The following CEACAM16 variants were observed in gnomAD, a reference collection of about 807,000 sequenced individuals.
CEACAM16 encodes CEA cell adhesion molecule 16, tectorial membrane component.
A neutral mutation model predicts 39.4 loss-of-function variants in CEACAM16; 30 were observed. That is an observed-to-expected ratio of 0.76 (90% CI 0.57 to 1.03). The LOEUF (loss-of-function observed/expected upper bound fraction) is 1.03. Ranked by LOEUF, CEACAM16 falls within the 50% of genes least tolerant of loss-of-function variation. CEACAM16 has a pLI of 0.00. For synonymous variants in CEACAM16, 262 were observed against 264.9 expected, an observed-to-expected ratio of 0.99 and a Z score of 0.11; for missense variants, 521 against 585.3, an observed-to-expected ratio of 0.89 and a Z score of 1.13.
At position 44,705,683 on chromosome 19, in the gene CEACAM16, G is replaced by A. The variant is rs1318382133; in HGVS notation, c.755G>A (p.Cys252Tyr). 1 of 1,613,964 alleles carries A rather than the reference G, an allele frequency of 6.2e-7. No homozygotes were observed. Among genetic ancestry groups the A allele is most frequent in the Non-Finnish European group, 8.5e-7 (1 of 1,179,834 alleles). Residue 252 changes from cysteine (C) to tyrosine (Y), a missense_variant, in exon 5 of 7, where the codon TGC becomes TAC. Cys to Tyr is a radical substitution (Grantham distance 194). Coordinates refer to ENST00000587331, the MANE Select transcript of CEACAM16 (RefSeq NM_001039213.4). The part of the protein sequence containing the change: ...VDFNTSLTLW[C>Y]VSRSCPEPEY... Reference sequence around the variant, plus strand: ...TTCAACACGTCCCTCACCCTGTGGTGCGTGTCCAGGTCCTGCCCAGAGCCC... The same window carrying A: ...TTCAACACGTCCCTCACCCTGTGGTACGTGTCCAGGTCCTGCCCAGAGCCC...
chr19:44,702,592 C>T (rs1393971189), intron 2 of CEACAM16, among the ~76,000 whole-genome samples: 1 of 152,266 alleles, frequency 6.6e-6, no homozygotes, highest in Non-Finnish European at 1.5e-5. Context: ...ACCAGCTCAT[C>T]GGGCTTGGGG....
rs1386308805 is a variant in CEACAM16 at position 44,705,652 on chromosome 19, G to A, written c.724G>A (p.Val242Ile). The A allele has an allele frequency of 6.2e-6, 10 of 1,613,548 alleles. No individual in the cohort carries two copies. The highest frequency in any genetic ancestry group is 3.3e-5 in the Admixed American group (2 of 59,992). The change falls in exon 5 of 7, where the codon GTT becomes ATT. Residue 242 changes from valine (V) to isoleucine (I), a missense_variant. By Grantham distance (29) the Val-to-Ile change is conservative (BLOSUM62 3). Transcript: ENST00000587331. The stretch of plus-strand genomic sequence containing the variant: ...CACCCGCACAGGCTGCACCATCAAA[G>A]TTGACTTCAACACGTCCCTCACCCT... ...STTRTGCTIK[V>I]DFNTSLTLWC...
Position 44,710,693 on chromosome 19 carries a change from A to T in CEACAM16, c.*187A>T. The T allele has an allele frequency of 1.4e-6, 1 of 709,262 alleles. No individual in the cohort carries two copies. The allele number at this position is 709,262 out of a possible 1,614,324, so 43.9% of individuals were successfully genotyped here. A position where few individuals can be genotyped will look rare whatever the true frequency, so the allele number is the denominator to read the frequency against. ...TCGCTGAGCTGTTGGGGAGCCACCG[A>T]GGCCATAAACGTCCTGGTTAATGCA... On this transcript the variant is annotated 3_prime_UTR_variant, in exon 7 of 7. Transcript: ENST00000587331.
rs1355072516 is a variant in CEACAM16, at chr19:44,701,449, G to A, written c.-8G>A. On this transcript the variant is annotated 5_prime_UTR_variant, in exon 2 of 7. Transcript: ENST00000587331. The surrounding 1 kb of genome is among the most constrained non-coding windows in gnomAD (Gnocchi z 4.0). ...CCACCATCTCCAAGACTCGGTTTGG[G>A]GTGAAAGATGGCGCTGACTGGGTAC... 2 of 1,562,562 alleles carry A rather than the reference G, an allele frequency of 1.3e-6. No individual in the cohort carries two copies. Among genetic ancestry groups the A allele is most frequent in the Non-Finnish European group, 1.7e-6 (2 of 1,152,820 alleles).
intron 6 of CEACAM16, among the ~76,000 whole-genome samples, chr19:44,708,748 C>T (rs1974490520): frequency 1.3e-5 from 2 of 152,272 alleles, no homozygotes; most frequent in Non-Finnish European, 1.5e-5. Context: ...GTTTCTCTTT[C>T]AAACTGAAAT....
At position 44,705,580 on chromosome 19, in the gene CEACAM16, G is replaced by A. The variant is rs1974430047; in HGVS notation, c.662-10G>A. On this transcript the variant is annotated splice_polypyrimidine_tract_variant and intron_variant, in intron 4 of 6. Transcript: ENST00000587331. ...CTACTGCCCCATCTATCTCCCTCCT[G>A]CCCCCACAGTTGGCCCAGAGCGTGT... 1 of 1,585,056 alleles carries A rather than the reference G, an allele frequency of 6.3e-7. No individual in the cohort carries two copies. The highest frequency in any genetic ancestry group is 1.1e-5 in the South Asian group (1 of 87,408).
At chr19:44,703,034 G>T (rs1459580678) in intron 2 of CEACAM16, among the ~76,000 whole-genome samples, 1 of 152,234 alleles carries the variant, frequency 6.6e-6, no homozygotes, top group Non-Finnish European at 1.5e-5. Context: ...ACCAGGCATT[G>T]TAAGCATGGT....
Position 44,704,258 on chromosome 19 carries a change from G to A in CEACAM16, c.623G>A (p.Ser208Asn), listed in dbSNP as rs573717477. The A allele has an allele frequency of 6.5e-7, 1 of 1,535,790 alleles. No homozygotes were observed. The highest frequency in any genetic ancestry group is 1.4e-5 in the African/African-American group (1 of 72,922). The part of the protein sequence containing the change: ...AYQCEVWNPV[S>N]VSRSEPINLT... ...CAGTGTGAGGTGTGGAACCCGGTCA[G>A]TGTCAGCCGCAGCGAGCCCATCAAC... is the stretch of plus-strand genomic sequence containing the variant. Residue 208 changes from serine to asparagine, a missense_variant, in exon 4 of 7, where the codon AGT becomes AAT. Transcript: ENST00000587331.
rs1278706481 is a variant in CEACAM16 at position 44,710,507 on chromosome 19, C to G, written c.*1C>G. The stretch of plus-strand genomic sequence containing the variant: ...CATATGCCCCACAGCCCTGGGGTAA[C>G]AGCGTGACCCTGGAGACGTCCAGAG... On this transcript the variant is annotated 3_prime_UTR_variant, in exon 7 of 7. Coordinates refer to ENST00000587331, the MANE Select transcript of CEACAM16 (RefSeq NM_001039213.4). 3 of 1,613,644 alleles carry G rather than the reference C, an allele frequency of 1.9e-6. No homozygotes were observed. The highest frequency in any genetic ancestry group is 2.5e-6 in the Non-Finnish European group (3 of 1,179,702).
At chr19:44,703,939 T>C (rs1568527255) in intron 3 of CEACAM16, 79 bp from the exon 4 acceptor site, 42 of 1,446,738 alleles carry the variant, frequency 2.9e-5, no homozygotes, top group Non-Finnish European at 3.9e-5. Flanking sequence ...AATCCGGCCA[T>C]GCCCCTTGTT....
At position 44,701,232 on chromosome 19, in the gene CEACAM16, A is replaced by G; in HGVS notation, c.-96-129A>G. ...GGCGGCTGCCCCAGGAGGCCTGCCC[A>G]GGTCACGGCCTCTGGCCGGTGCCCG... On this transcript the variant is annotated intron_variant, in intron 1 of 6. Transcript: ENST00000587331. The surrounding 1 kb of genome is among the most constrained non-coding windows in gnomAD (Gnocchi z 4.0). 1.6e-6 allele frequency: 1 copy of G among 623,406 alleles called. No individual in the cohort carries two copies. The highest frequency in any genetic ancestry group is 1.9e-5 in the South Asian group (1 of 53,588). 38.6% of individuals were successfully genotyped at this position (623,406 alleles called of 1,614,324 possible).
chr19:44,708,221 T>G lies in CEACAM16; in HGVS notation c.1267+34T>G, dbSNP rs1215425705. The G allele has an allele frequency of 6.7e-6, 10 of 1,481,610 alleles. No homozygotes were observed. In the East Asian group the frequency reaches 2.3e-4, roughly 34 times the overall value. The allele number at this position is 1,481,610 out of a possible 1,614,324, so 91.8% of individuals were successfully genotyped here. On this transcript the variant is annotated intron_variant, in intron 6 of 6. Transcript: ENST00000587331. ...GTGGGAAGGGGCAAGGCGTGCCCCTTTTTAGACAAGGGCTCCCAAAAGGAG... is the reference window on the plus strand; with the variant it reads ...GTGGGAAGGGGCAAGGCGTGCCCCTGTTTAGACAAGGGCTCCCAAAAGGAG...
Position 44,704,055 on chromosome 19 carries a change from A to G in CEACAM16, c.420A>G (p.Thr140=), listed in dbSNP as rs1974397794. 14 of 1,609,154 alleles carry G rather than the reference A, an allele frequency of 8.7e-6. No individual in the cohort carries two copies. The highest frequency in any genetic ancestry group is 1.1e-5 in the Non-Finnish European group (13 of 1,178,292). Residue 140 remains threonine, a synonymous_variant, in exon 4 of 7, where the codon ACA becomes ACG. Transcript: ENST00000587331. ...LAQPTVLANS[T]ALVERRDTLR... Reference sequence around the variant, plus strand: ...AGCCCACAGTCTTGGCCAACAGCACAGCGCTGGTGGAACGTCGAGACACCC... The same window carrying G: ...AGCCCACAGTCTTGGCCAACAGCACGGCGCTGGTGGAACGTCGAGACACCC...
Position 44,701,441 on chromosome 19 carries a change from C to A in CEACAM16, c.-16C>A. On this transcript the variant is annotated 5_prime_UTR_variant, in exon 2 of 7. Transcript: ENST00000587331. The surrounding 1 kb of genome is among the most constrained non-coding windows in gnomAD (Gnocchi z 4.0). ...CTTCAACGCCACCATCTCCAAGACT[C>A]GGTTTGGGGTGAAAGATGGCGCTGA... The A allele has an allele frequency of 6.4e-7, 1 of 1,560,574 alleles. No homozygotes were observed. The highest frequency in any genetic ancestry group is 8.7e-7 in the Non-Finnish European group (1 of 1,151,692).
intron 6 of CEACAM16, among the ~76,000 whole-genome samples, chr19:44,709,114 A>T (rs1277093394): frequency 6.6e-6 from 1 of 151,950 alleles, no homozygotes; most frequent in Non-Finnish European, 1.5e-5. Context: ...CCTCCGTCAG[A>T]CTGGGAGCTC....
At chr19:44,709,351 T>C (rs1348003637) in intron 6 of CEACAM16, among the ~76,000 whole-genome samples, 1 of 147,522 alleles carries the variant, frequency 6.8e-6, no homozygotes, top group African/African-American at 2.5e-5. Flanking sequence ...TCAGGGACCA[T>C]GTCTCCTCCA....
At position 44,701,456 on chromosome 19, in the gene CEACAM16, G is replaced by T. The variant is rs551778072; in HGVS notation, c.-1G>T. 1.1e-5 allele frequency: 17 copies of T among 1,564,290 alleles called. 1 individual carries two copies. The African/African-American group carries it at 1.9e-4, about 17-fold the overall frequency. ...CTCCAAGACTCGGTTTGGGGTGAAA[G>T]ATGGCGCTGACTGGGTACAGCTGGC... On this transcript the variant is annotated 5_prime_UTR_variant, in exon 2 of 7. Transcript: ENST00000587331. The surrounding 1 kb of genome is among the most constrained non-coding windows in gnomAD (Gnocchi z 4.0).
Position 44,701,381 on chromosome 19 carries a change from G to A in CEACAM16, c.-76G>A, listed in dbSNP as rs370421533. The stretch of plus-strand genomic sequence containing the variant: ...CCCAGGTCCTGCGGCAGACGGAGCC[G>A]AGCCCCAACCAGGAAGGGAGTCCGA... On this transcript the variant is annotated 5_prime_UTR_variant, in exon 2 of 7. Coordinates refer to ENST00000587331, the MANE Select transcript of CEACAM16 (RefSeq NM_001039213.4). This position sits in a 1 kb window ranked among gnomAD's most constrained non-coding sequence, Gnocchi z 4.0. 4.4e-4 allele frequency: 658 copies of A among 1,486,148 alleles called. 5 individuals are homozygous for A. Among genetic ancestry groups the A allele is most frequent in the South Asian group, 2.3e-3 (193 of 82,736 alleles). 92.1% of individuals were successfully genotyped at this position (1,486,148 alleles called of 1,614,324 possible). A position where few individuals can be genotyped will look rare whatever the true frequency, so the allele number is the denominator to read the frequency against.
chr19:44,704,454 G>A (rs1025467416), intron 4 of CEACAM16, among the ~76,000 whole-genome samples, 158 bp downstream of exon 4: 1 of 152,242 alleles, frequency 6.6e-6, no homozygotes, highest in African/African-American at 2.4e-5. Flanking sequence ...GCCCTCGCCA[G>A]GTGCAGTGGC....
Sources: gnomAD v4.1 joint callset for allele counts (sites outside exome capture counted in the v4.1 genomes callset) on GRCh38, gnomAD v4.1.1 for gene constraint, Gnocchi (gnomAD v3.1) non-coding constraint, MANE v1.5 for transcripts, NCBI Gene and HGNC (gene_info 2026-07-23, HGNC 2026-07-21) for gene names.